The following NSUN6 variants were observed in gnomAD, a reference collection of about 807,000 sequenced individuals.
NSUN6 encodes NOP2/Sun RNA methyltransferase 6.
A neutral mutation model predicts 58.0 loss-of-function variants in NSUN6; 64 were observed. That is an observed-to-expected ratio of 1.10 (90% CI 0.90 to 1.36). The LOEUF (loss-of-function observed/expected upper bound fraction) is 1.36. Among genes scored for constraint, NSUN6 ranks in the 40% most tolerant of loss-of-function variants. The probability of loss-of-function intolerance (pLI) is 0.00; values close to 1 mark genes in which losing one functional copy is unlikely to be tolerated. For synonymous variants in NSUN6, 231 were observed against 193.9 expected (o/e 1.19, Z -1.59); for missense variants, 701 against 550.1 (o/e 1.27, Z -2.74).
At chr10:18,612,067 CT>C (rs1208425540) in intron 5 of NSUN6, among the ~76,000 whole-genome samples, 22 of 152,248 alleles carry the variant, frequency 1.4e-4, no homozygotes, top group Admixed American at 7.9e-4. Context: ...CAAATATCCC[CT>C]GCTCCTGAGC....
chr10:18,555,556 AGAGAATGGAATGGAATG>A (rs1273660149), intron 8 of NSUN6, among the ~76,000 whole-genome samples: 2 of 144,636 alleles, frequency 1.4e-5, no homozygotes, highest in Non-Finnish European at 3.1e-5. Context: ...GGAATGGAAT[AGAGAATGGAATGGAATG>A]GAGAATGGAA....
intron 6 of NSUN6, among the ~76,000 whole-genome samples, chr10:18,600,646 T>C (rs1489318515): frequency 6.7e-6 from 1 of 150,362 alleles, no homozygotes; most frequent in Non-Finnish European, 1.5e-5. Flanking sequence ...GACTACTACC[T>C]GGCCGGTGCA....
intron 3 of NSUN6, among the ~76,000 whole-genome samples, chr10:18,629,298 T>A (rs548056562): frequency 6.6e-6 from 1 of 151,910 alleles, no homozygotes; most frequent in African/African-American, 2.4e-5. Context: ...CACTGCAAAA[T>A]CATGCCAAAA....
At chr10:18,563,674 C>G (rs562433362) in intron 8 of NSUN6, among the ~76,000 whole-genome samples, 50 of 150,064 alleles carry the variant, frequency 3.3e-4, no homozygotes, top group Admixed American at 8.7e-4. Flanking sequence ...CCATTCCATT[C>G]TCTATACCAT....
intron 8 of NSUN6, among the ~76,000 whole-genome samples, chr10:18,582,427 G>A (rs1398435404): frequency 1.3e-5 from 2 of 152,144 alleles, no homozygotes; most frequent in African/African-American, 4.8e-5. Context: ...AGATTGTGGT[G>A]GTGAGCAATT....
At chr10:18,644,139 C>G (rs2059470023) in intron 2 of NSUN6, among the ~76,000 whole-genome samples, 1 of 152,172 alleles carries the variant, frequency 6.6e-6, no homozygotes, top group Non-Finnish European at 1.5e-5. Context: ...CCACAAAGAT[C>G]CTTCACGCTC....
rs530412979 is a variant in NSUN6, at chr10:18,605,940, G to A, written c.657+3905C>T. Among the ~76,000 whole-genome samples the A allele has an allele frequency of 3.9e-5, 6 of 152,036 alleles. No homozygotes were observed. In the South Asian group the frequency reaches 1.0e-3, roughly 26 times the overall value. On this transcript the variant is annotated intron_variant, in intron 6 of 10. Transcript: ENST00000377304. ...TCTATTAAACAACTTATGACAAAAC[G>A]GAAAGAATATATATAAGAAATAAAA...
intron 8 of NSUN6, among the ~76,000 whole-genome samples, chr10:18,570,636 T>A (rs1185362333): frequency 6.7e-6 from 1 of 149,636 alleles, no homozygotes; most frequent in Non-Finnish European, 1.5e-5. Flanking sequence ...TTCCATTCCA[T>A]TCTCCATACC....
At chr10:18,617,443 C>T (rs1170161613) in intron 3 of NSUN6, among the ~76,000 whole-genome samples, 3 of 152,146 alleles carry the variant, frequency 2.0e-5, no homozygotes, top group Non-Finnish European at 4.4e-5. Flanking sequence ...CAGCCTCAGC[C>T]TCCCAAAGTA....
At chr10:18,552,400 T>G (rs929781678) in intron 8 of NSUN6, among the ~76,000 whole-genome samples, 5 of 152,144 alleles carry the variant, frequency 3.3e-5, no homozygotes, top group African/African-American at 1.2e-4. Context: ...CTGAGTCTCC[T>G]TGTTTCTGTG....
intron 8 of NSUN6, among the ~76,000 whole-genome samples, chr10:18,573,413 C>A (rs184833451): frequency 6.6e-6 from 1 of 151,174 alleles, no homozygotes; most frequent in Non-Finnish European, 1.5e-5. Flanking sequence ...TCCATTCCAT[C>A]GGTTCCATTT....
At chr10:18,608,828 A>T (rs2131310166) in intron 6 of NSUN6, among the ~76,000 whole-genome samples, 1 of 152,308 alleles carries the variant, frequency 6.6e-6, no homozygotes, top group Middle Eastern at 3.4e-3. Context: ...AGCACAAAAA[A>T]ACTCCACTGA....
rs909460474 is a variant in NSUN6 at position 18,596,446 on chromosome 10, G to C, written c.658-119C>G. ...ACTACAGCATCCTCACGTCTGCTAA[G>C]AGGACAATTTTTATAAATATACTCA... On this transcript the variant is annotated intron_variant, in intron 6 of 10. Coordinates refer to ENST00000377304, the MANE Select transcript of NSUN6 (RefSeq NM_182543.5). 23 of 604,570 alleles carry C rather than the reference G, an allele frequency of 3.8e-5. No individual in the cohort carries two copies. The South Asian group carries it at 4.4e-4, about 12-fold the overall frequency. The allele number at this position is 604,570 out of a possible 1,614,324, so 37.5% of individuals were successfully genotyped here.
At chr10:18,636,778 G>A (rs1382266496) in intron 3 of NSUN6, among the ~76,000 whole-genome samples, 1 of 151,932 alleles carries the variant, frequency 6.6e-6, no homozygotes, top group East Asian at 1.9e-4. Flanking sequence ...TGTAGTCCCA[G>A]CTACTCGGGA....
At chr10:18,559,075 G>A (rs2055278161) in intron 8 of NSUN6, among the ~76,000 whole-genome samples, 1 of 151,494 alleles carries the variant, frequency 6.6e-6, no homozygotes, top group Non-Finnish European at 1.5e-5. Flanking sequence ...AGAATGGAAT[G>A]GAATGGAGAA....
At chr10:18,627,392 G>A (rs983896737) in intron 3 of NSUN6, among the ~76,000 whole-genome samples, 2 of 152,192 alleles carry the variant, frequency 1.3e-5, no homozygotes, top group African/African-American at 4.8e-5. Flanking sequence ...GAAAAGGGGA[G>A]AAAAAAGAAT....
intron 3 of NSUN6, among the ~76,000 whole-genome samples, chr10:18,630,584 T>C (rs1032036897): frequency 2.0e-5 from 3 of 151,978 alleles, no homozygotes; most frequent in African/African-American, 7.3e-5. Flanking sequence ...TCACCACCAA[T>C]CCCACAGAAA....
intron 3 of NSUN6, among the ~76,000 whole-genome samples, chr10:18,619,721 C>T (rs1039903164): frequency 5.9e-5 from 9 of 152,154 alleles, no homozygotes; most frequent in African/African-American, 2.2e-4. Context: ...CTCGGAAATA[C>T]TTTTCTAACT....
At chr10:18,555,726 A>G (rs1166882759) in intron 8 of NSUN6, among the ~76,000 whole-genome samples, 7 of 148,616 alleles carry the variant, frequency 4.7e-5, no homozygotes, top group South Asian at 4.3e-4. Context: ...GGAATGGACA[A>G]TGGGTTAGAA....
Sources: gnomAD v4.1 joint callset for allele counts (sites outside exome capture counted in the v4.1 genomes callset) on GRCh38, gnomAD v4.1.1 for gene constraint, MANE v1.5 for transcripts, NCBI Gene and HGNC (gene_info 2026-07-23, HGNC 2026-07-21) for gene names.